Variants in CCDC102B observed in about 807,000 individuals in gnomAD.
The protein encoded by CCDC102B is coiled-coil domain containing 102B.
Under a neutral mutation model 57.4 loss-of-function variants are expected in CCDC102B, and 75 were observed. The observed-to-expected ratio is 1.31, with a 90% CI of 1.08 to 1.58. The LOEUF (loss-of-function observed/expected upper bound fraction) is 1.58, where lower values mean the gene tolerates loss of function less well. CCDC102B is among the 40% of genes most tolerant of loss of function. CCDC102B has a pLI of 0.00. For missense variants in CCDC102B, 636 were observed against 582.6 expected (o/e 1.09, Z -0.94); for synonymous variants, 206 against 201.9 (o/e 1.02, Z -0.17).
At chr18:68,836,559 C>A (rs2037373785) in intron 1 of CCDC102B, among the ~76,000 whole-genome samples, 190 bp from the exon 2 acceptor site, 1 of 139,454 alleles carries the variant, frequency 7.2e-6, no homozygotes, top group African/African-American at 2.7e-5. Context: ...ACCCTGGAGG[C>A]AGAGGTTGCA....
chr18:68,787,711 TTC>T (rs1414489353), intron 2 of CCDC102B, among the ~76,000 whole-genome samples: 3 of 148,564 alleles, frequency 2.0e-5, no homozygotes, highest in African/African-American at 7.4e-5. Context: ...TATTTGATTC[TTC>T]TCTCTTTTTT....
chr18:69,055,858 T>G (rs988004731), downstream of CCDC102B, among the ~76,000 whole-genome samples: 1 of 152,048 alleles, frequency 6.6e-6, no homozygotes, highest in Non-Finnish European at 1.5e-5. Context: ...TCCGACAATC[T>G]CAGAACCCAC....
chr18:68,855,448 C>T (rs930316024), intron 4 of CCDC102B, among the ~76,000 whole-genome samples: 3 of 152,168 alleles, frequency 2.0e-5, no homozygotes, highest in Non-Finnish European at 2.9e-5. Flanking sequence ...TTGTTCTTTA[C>T]ATATTTTAAC....
chr18:68,768,664 T>G (rs1374921158), intron 2 of CCDC102B, among the ~76,000 whole-genome samples: 4 of 152,084 alleles, frequency 2.6e-5, no homozygotes, highest in Non-Finnish European at 2.9e-5. Context: ...TAAATATGTA[T>G]GAGCAAATTA....
intron 2 of CCDC102B, among the ~76,000 whole-genome samples, chr18:68,773,753 G>A (rs1433678710): frequency 2.0e-5 from 3 of 151,886 alleles, no homozygotes; most frequent in Non-Finnish European, 4.4e-5. Flanking sequence ...AAAGATAGTT[G>A]TCTGAAATAT....
At chr18:68,717,870 G>A (rs534480116) in intron 2 of CCDC102B, 3 of 152,282 alleles carry the variant, frequency 2.0e-5, no homozygotes, top group East Asian at 1.9e-4. Context: ...TTAATTGCCG[G>A]TATGATAACA....
intron 7 of CCDC102B, among the ~76,000 whole-genome samples, chr18:69,031,107 T>C (rs1343940500): frequency 6.6e-6 from 1 of 152,224 alleles, no homozygotes; most frequent in Non-Finnish European, 1.5e-5. Flanking sequence ...AGAGGTTGCA[T>C]GTAAAATAAT....
rs897491783 is a variant in CCDC102B at position 69,032,028 on chromosome 18, T to C, written c.1434+20924T>C. 7.9e-5 allele frequency among the ~76,000 whole-genome samples: 12 copies of C among 152,208 alleles called. No individual in the cohort carries two copies. In the South Asian group the frequency reaches 1.7e-3, roughly 21 times the overall value. ...AAGAAGGAATAACTGGATTTTTATATCAAGATTCAGTAATATTTGGAGATT... is the reference window on the plus strand; with the variant it reads ...AAGAAGGAATAACTGGATTTTTATACCAAGATTCAGTAATATTTGGAGATT... On this transcript the variant is annotated intron_variant, in intron 7 of 7. Transcript: ENST00000360242.
At chr18:68,722,267 C>T (rs1313309338) in intron 2 of CCDC102B, among the ~76,000 whole-genome samples, 1 of 152,222 alleles carries the variant, frequency 6.6e-6, no homozygotes, top group African/African-American at 2.4e-5. Context: ...AAAGGACAGT[C>T]ATTCCCAGAG....
In CCDC102B at chr18:68,782,973, C is replaced by A. The variant is rs643513; in HGVS notation, c.-66-40393C>A. Among the ~76,000 whole-genome samples, 582 of 152,184 alleles carry A rather than the reference C, an allele frequency of 3.8e-3. 2 individuals are homozygous for A. Among genetic ancestry groups the A allele is most frequent in the African/African-American group, 0.013 (550 of 41,498 alleles). ...TATTATTGTTACTATTGTTATTATACCTGCCATTTACATTTAATGAGTGTT... is the reference window on the plus strand; with the variant it reads ...TATTATTGTTACTATTGTTATTATAACTGCCATTTACATTTAATGAGTGTT... On this transcript the variant is annotated intron_variant, in intron 2 of 3. Coordinates refer to the CCDC102B transcript ENST00000578970.
intron 7 of CCDC102B, among the ~76,000 whole-genome samples, chr18:69,047,855 G>C (rs541941611): frequency 3.3e-5 from 5 of 152,156 alleles, no homozygotes; most frequent in African/African-American, 1.2e-4. Context: ...TCTACAATGA[G>C]AGTTACACTG....
chr18:68,768,090 A>G (rs193102956), intron 2 of CCDC102B, among the ~76,000 whole-genome samples: 121 of 152,350 alleles, frequency 7.9e-4, no homozygotes, highest in African/African-American at 2.5e-3. Flanking sequence ...TGGTAATCAC[A>G]TAATGAATAG....
At chr18:68,836,072 G>T (rs922160070) in intron 1 of CCDC102B, among the ~76,000 whole-genome samples, 3 of 152,084 alleles carry the variant, frequency 2.0e-5, no homozygotes, top group Non-Finnish European at 2.9e-5. Context: ...GCTTCGCAGG[G>T]ATAAAGAAAA....
chr18:68,731,188 G>C (rs1295837123), intron 2 of CCDC102B, among the ~76,000 whole-genome samples: 1 of 152,080 alleles, frequency 6.6e-6, no homozygotes, highest in Non-Finnish European at 1.5e-5. Context: ...GTTTCACCAT[G>C]TTGGCCAGGC....
intron 2 of CCDC102B, among the ~76,000 whole-genome samples, chr18:68,781,659 C>T (rs1368022900): frequency 6.6e-6 from 1 of 151,912 alleles, no homozygotes; most frequent in Non-Finnish European, 1.5e-5. Flanking sequence ...TAAATAATTT[C>T]TTAGGTTAAT....
intron 6 of CCDC102B, among the ~76,000 whole-genome samples, chr18:68,901,672 ACATTTTTATGCAAATTCT>A (rs1475023652): frequency 1.3e-5 from 2 of 152,190 alleles, no homozygotes; most frequent in East Asian, 3.9e-4. Context: ...CTGTGGATCT[ACATTTTTATGCAAATTCT>A]CAGAGTGCCC....
intron 5 of CCDC102B, among the ~76,000 whole-genome samples, chr18:68,894,709 A>T (rs1599647724): frequency 6.7e-6 from 1 of 148,586 alleles, no homozygotes; most frequent in Non-Finnish European, 1.5e-5. Context: ...TTACTTTTTA[A>T]TATATGTTAT....
chr18:68,757,086 C>T (rs17079646), intron 2 of CCDC102B, among the ~76,000 whole-genome samples: 9,825 of 152,186 alleles, frequency 0.065, 597 homozygotes, highest in African/African-American at 0.16. Context: ...AAAGCCTTAA[C>T]TATTACCAGA....
chr18:69,017,197 C>A (rs796257679), intron 7 of CCDC102B, among the ~76,000 whole-genome samples: 15 of 152,194 alleles, frequency 9.9e-5, no homozygotes, highest in African/African-American at 3.1e-4. Context: ...CTCACTGAAG[C>A]CTCAACCTCC....
Sources: allele counts gnomAD v4.1 joint callset (sites outside exome capture counted in the v4.1 genomes callset), GRCh38; gene constraint gnomAD v4.1.1; transcripts MANE v1.5; gene names NCBI Gene and HGNC (gene_info 2026-07-23, HGNC 2026-07-21).